SYMPK: variants seen among roughly 807,000 people sequenced by gnomAD.
The protein encoded by SYMPK is symplekin scaffold protein.
Under a neutral mutation model 136.4 loss-of-function variants are expected in SYMPK, and 49 were observed. That is an observed-to-expected ratio of 0.36 (90% CI 0.29 to 0.46). SYMPK has a LOEUF of 0.46. Ranked by LOEUF, SYMPK falls within the 20% of genes least tolerant of loss-of-function variation. The pLI, the probability that SYMPK is intolerant of heterozygous loss-of-function variation, is 1.00. For synonymous variants in SYMPK, 766 were observed against 713.0 expected (o/e 1.07, Z -1.19); for missense variants, 1,365 against 1,690.0 (o/e 0.81, Z 3.37).
intron 5 of SYMPK, among the ~76,000 whole-genome samples, chr19:45,851,158 C>T (rs1237709496): frequency 6.6e-6 from 1 of 152,192 alleles, no homozygotes; most frequent in Non-Finnish European, 1.5e-5. Context: ...TTAACAGCGT[C>T]ACTCTGGCTG....
chr19:45,843,990 T>A (rs1431581247), intron 8 of SYMPK, 40 bp downstream of exon 8: 1 of 826,348 alleles, frequency 1.2e-6, no homozygotes. Context: ...GACTGGCCAG[T>A]GAAGAGAAGG....
chr19:45,817,959 C>A lies in SYMPK; in HGVS notation c.3081G>T (p.Gln1027His). ...MNILSRLIMK[Q>H]VWKYPKVWEG... is the part of the protein sequence containing the mutation. ...GGCGGGGTGGCCGGGGATGGGTTAC[C>A]TGCTTCATGATGAGGCGGGACAGGA... is the stretch of plus-strand genomic sequence containing the variant. Residue 1027 changes from glutamine (Q) to histidine (H), a missense_variant and splice_region_variant, in exon 23 of 27, where the codon CAG becomes CAT. Physicochemically the swap from Gln to His is conservative, Grantham distance 24. Transcript: ENST00000245934. The A allele has an allele frequency of 6.4e-7, 1 of 1,571,980 alleles. No homozygotes were observed. The highest frequency in any genetic ancestry group is 2.3e-5 in the East Asian group (1 of 42,868).
chr19:45,839,626 C>G (rs969162381), intron 9 of SYMPK, among the ~76,000 whole-genome samples: 1 of 151,882 alleles, frequency 6.6e-6, no homozygotes, highest in Admixed American at 6.6e-5. Flanking sequence ...GTCAGGAGAT[C>G]GAGACCATAC....
Position 45,821,536 on chromosome 19 carries a change from G to T in SYMPK, c.2792-51C>A. On this transcript the variant is annotated intron_variant, in intron 21 of 26. Transcript: ENST00000245934. This position sits in a 1 kb window ranked among gnomAD's most constrained non-coding sequence, Gnocchi z 4.4. ...GGGAAGACAGTGCGGACGCATAAGT[G>T]AAGAGATGGGTCTGAGTTCCCCAGA... 7.8e-7 allele frequency: 1 copy of T among 1,274,528 alleles called. No homozygotes were observed. The highest frequency in any genetic ancestry group is 1.1e-6 in the Non-Finnish European group (1 of 881,254). 79.0% of individuals were successfully genotyped at this position (1,274,528 alleles called of 1,614,324 possible).
intron 1 of SYMPK, among the ~76,000 whole-genome samples, chr19:45,862,241 C>A (rs1214827778): frequency 1.3e-5 from 2 of 152,072 alleles, no homozygotes. Context: ...TATTTAAGAA[C>A]ATTTGGGATG....
chr19:45,817,940 G>A lies in SYMPK; in HGVS notation c.3081+19C>T, dbSNP rs369123059. 3.4e-4 allele frequency: 521 copies of A among 1,547,236 alleles called. 2 individuals carry two copies. The highest frequency in any genetic ancestry group is 1.6e-5 in the Non-Finnish European group (18 of 1,143,484). ...CTGCTGTCTGCAGCCTGGAGGCGGGGTGGCCGGGGATGGGTTACCTGCTTC... is the reference window on the plus strand; with the variant it reads ...CTGCTGTCTGCAGCCTGGAGGCGGGATGGCCGGGGATGGGTTACCTGCTTC... On this transcript the variant is annotated intron_variant, in intron 23 of 26. Coordinates refer to ENST00000245934, the MANE Select transcript of SYMPK (RefSeq NM_004819.3).
chr19:45,861,872 C>G (rs1401194154), intron 1 of SYMPK: 2 of 151,996 alleles, frequency 1.3e-5, no homozygotes, highest in Non-Finnish European at 2.9e-5. Context: ...CAGAGAAACC[C>G]CGTCTCTACT....
At chr19:45,830,682 G>C in intron 12 of SYMPK, 1 of 154,116 alleles carries the variant, frequency 6.5e-6, no homozygotes, top group South Asian at 2.0e-4. Flanking sequence ...GAGGTCAGGA[G>C]ATCGAGACCA....
At chr19:45,853,114 C>T (rs1971734199) in intron 3 of SYMPK, among the ~76,000 whole-genome samples, 1 of 152,192 alleles carries the variant, frequency 6.6e-6, no homozygotes, top group African/African-American at 2.4e-5. Flanking sequence ...GCTAAACGGC[C>T]TCATGACCAC....
chr19:45,826,133 T>C, intron 17 of SYMPK, 93 bp downstream of exon 17: 1 of 1,505,722 alleles, frequency 6.6e-7, no homozygotes, highest in South Asian at 1.3e-5. Flanking sequence ...GTCACTCGTG[T>C]CCGAGTGGCT....
At chr19:45,862,298 C>A (rs1409456093) in intron 1 of SYMPK, among the ~76,000 whole-genome samples, 1 of 152,128 alleles carries the variant, frequency 6.6e-6, no homozygotes, top group East Asian at 1.9e-4. Context: ...TTCCCCTTCC[C>A]TCTCGATGTA....
intron 13 of SYMPK, among the ~76,000 whole-genome samples, chr19:45,829,586 C>A (rs546044543): frequency 8.6e-4 from 131 of 152,148 alleles, no homozygotes; most frequent in African/African-American, 2.9e-3. Flanking sequence ...TTTTTCAGCT[C>A]AGGGAGTATG....
At chr19:45,817,118 T>G in intron 23 of SYMPK, 144 bp from the exon 24 acceptor site, 1 of 807,286 alleles carries the variant, frequency 1.2e-6, no homozygotes. Context: ...AGCCCCGACC[T>G]CCCTCCAGAG....
intron 23 of SYMPK, chr19:45,817,222 T>C (rs1030620022): frequency 2.0e-6 from 1 of 496,964 alleles, no homozygotes; most frequent in East Asian, 3.8e-5. Context: ...GAGCTCCCCC[T>C]GGGCCAGGCC....
intron 1 of SYMPK, among the ~76,000 whole-genome samples, chr19:45,856,482 T>G (rs1971825563): frequency 6.6e-6 from 1 of 152,120 alleles, no homozygotes; most frequent in Admixed American, 6.6e-5. Context: ...GGCAAGACAT[T>G]TAACTTCTCT....
At chr19:45,836,840 C>T (rs748627368) in intron 10 of SYMPK, among the ~76,000 whole-genome samples, 8 of 151,942 alleles carry the variant, frequency 5.3e-5, no homozygotes, top group South Asian at 4.1e-4. Context: ...GACAGGGTCT[C>T]GCTATGTTGC....
At chr19:45,815,719 G>A (rs755963096) in intron 26 of SYMPK, 22 bp from the exon 27 acceptor site, 17 of 1,606,356 alleles carry the variant, frequency 1.1e-5, no homozygotes, top group Non-Finnish European at 1.4e-5. Flanking sequence ...GGAAGGAAAG[G>A]GCAGCCGGGT....
intron 1 of SYMPK, 150 bp downstream of exon 1, chr19:45,862,908 C>A (rs932491906): frequency 9.5e-5 from 38 of 398,926 alleles, no homozygotes; most frequent in African/African-American, 7.4e-4. Flanking sequence ...CACTAGGGAG[C>A]CAAGGAAGGG....
In SYMPK at chr19:45,821,302, C is replaced by A; in HGVS notation, c.2893+82G>T. ...GTGACAGTCTTTGACTTGGCAGATT[C>A]CAGTGGGGGCATGTGGGTGACTGAG... On this transcript the variant is annotated intron_variant, in intron 22 of 26. Transcript: ENST00000245934. This position sits in a 1 kb window ranked among gnomAD's most constrained non-coding sequence, Gnocchi z 4.4. 1 of 1,035,766 alleles carries A rather than the reference C, an allele frequency of 9.7e-7. No individual in the cohort carries two copies. Among genetic ancestry groups the A allele is most frequent in the South Asian group, 1.3e-5 (1 of 79,514 alleles). 64.2% of individuals were successfully genotyped at this position (1,035,766 alleles called of 1,614,324 possible).
Sources: gnomAD v4.1 joint callset for allele counts (sites outside exome capture counted in the v4.1 genomes callset) on GRCh38, gnomAD v4.1.1 for gene constraint, Gnocchi (gnomAD v3.1) non-coding constraint, MANE v1.5 for transcripts, NCBI Gene and HGNC (gene_info 2026-07-23, HGNC 2026-07-21) for gene names.